The following XPO6 variants were observed in gnomAD, a reference collection of about 807,000 sequenced individuals.
XPO6 encodes exportin-6.
Under a neutral mutation model 130.0 loss-of-function variants are expected in XPO6, and 3 were observed. The ratio of observed to expected loss-of-function variants is 0.02; its 90% confidence interval spans 0.01 to 0.06. The LOEUF is 0.06. Among genes scored for constraint, XPO6 ranks in the 10% least tolerant of loss-of-function variants. The pLI is 1.00. For missense variants in XPO6, 970 were observed against 1,393.0 expected (o/e 0.70, Z 4.83); for synonymous variants, 524 against 548.9 (o/e 0.95, Z 0.63).
At chr16:28,171,452 C>CAAA (rs36000498) in intron 4 of XPO6, among the ~76,000 whole-genome samples, 1 of 99,106 alleles carries the variant, frequency 1.0e-5, no homozygotes, top group African/African-American at 4.1e-5. Context: ...GACTCTGTCT[C>CAAA]AAAAAAAAAA....
intron 7 of XPO6, chr16:28,155,475 G>A (rs1456445155): frequency 1.3e-5 from 2 of 151,660 alleles, no homozygotes; most frequent in Admixed American, 6.6e-5. Flanking sequence ...AAAAAAAGTA[G>A]GTCATTGTAG....
chr16:28,120,005 G>A (rs373720276), intron 14 of XPO6, among the ~76,000 whole-genome samples: 3 of 152,120 alleles, frequency 2.0e-5, no homozygotes, highest in East Asian at 1.9e-4. Context: ...CACCATGCCC[G>A]GCTAATTTTT....
At chr16:28,166,182 G>A (rs2043352973) in intron 6 of XPO6, among the ~76,000 whole-genome samples, 1 of 152,128 alleles carries the variant, frequency 6.6e-6, no homozygotes, top group Non-Finnish European at 1.5e-5. Flanking sequence ...CCTGCAGGCT[G>A]CTGCCCACCT....
chr16:28,138,964 T>C (rs2042833588), intron 9 of XPO6, among the ~76,000 whole-genome samples: 1 of 152,068 alleles, frequency 6.6e-6, no homozygotes, highest in African/African-American at 2.4e-5. Flanking sequence ...ATGACAAAGG[T>C]GTTGGAATTA....
intron 4 of XPO6, among the ~76,000 whole-genome samples, chr16:28,173,795 C>A (rs767585638): frequency 6.6e-6 from 1 of 152,164 alleles, no homozygotes; most frequent in Non-Finnish European, 1.5e-5. Context: ...AAGCCCTTCA[C>A]CTAAAAGTGC....
intron 1 of XPO6, among the ~76,000 whole-genome samples, chr16:28,197,547 G>A (rs943949380): frequency 6.6e-5 from 10 of 152,104 alleles, no homozygotes; most frequent in Admixed American, 4.6e-4. Context: ...CGCTGATGAG[G>A]ATATTTATCT....
intron 4 of XPO6, among the ~76,000 whole-genome samples, chr16:28,174,995 T>C (rs568898133): frequency 6.6e-6 from 1 of 152,326 alleles, no homozygotes; most frequent in African/African-American, 2.4e-5. Context: ...AATGTCTCAT[T>C]AGTTATTACA....
At chr16:28,127,867 C>T (rs547692658) in intron 12 of XPO6, among the ~76,000 whole-genome samples, 23 of 152,320 alleles carry the variant, frequency 1.5e-4, no homozygotes, top group African/African-American at 5.5e-4. Context: ...TGTCCCAAAT[C>T]ACCTGGTCCT....
At chr16:28,144,207 A>T (rs1195572122) in intron 9 of XPO6, among the ~76,000 whole-genome samples, 1 of 152,244 alleles carries the variant, frequency 6.6e-6, no homozygotes, top group Non-Finnish European at 1.5e-5. Flanking sequence ...GATTTCTGAT[A>T]TATGAACGTA....
chr16:28,197,917 A>AG (rs1659742620), intron 1 of XPO6, among the ~76,000 whole-genome samples: 1 of 140,726 alleles, frequency 7.1e-6, no homozygotes, highest in Admixed American at 7.2e-5. Flanking sequence ...AGACTCTTAA[A>AG]AAAAAAAAAA....
At chr16:28,111,739 G>A (rs925192830) in intron 17 of XPO6, 78 bp downstream of exon 17, 87 of 1,533,362 alleles carry the variant, frequency 5.7e-5, no homozygotes, top group Non-Finnish European at 7.0e-5. Context: ...AGGAGCCTCC[G>A]GGGCAAATCT....
chr16:28,145,229 C>G (rs897059450), intron 9 of XPO6, among the ~76,000 whole-genome samples: 4 of 152,256 alleles, frequency 2.6e-5, no homozygotes, highest in African/African-American at 9.6e-5. Flanking sequence ...CACTGTGTGA[C>G]TGGGATGCAG....
intron 1 of XPO6, among the ~76,000 whole-genome samples, chr16:28,196,608 G>C (rs74014259): frequency 0.054 from 8,253 of 152,232 alleles, 574 homozygotes; most frequent in East Asian, 0.17. Flanking sequence ...CTAATCTCAT[G>C]CCTAAATTTG....
At chr16:28,144,720 C>A (rs2042953828) in intron 9 of XPO6, among the ~76,000 whole-genome samples, 1 of 152,212 alleles carries the variant, frequency 6.6e-6, no homozygotes, top group Non-Finnish European at 1.5e-5. Context: ...TTCACTAACA[C>A]CACCACCAGG....
chr16:28,175,583 A>C (rs1325977184), intron 4 of XPO6, among the ~76,000 whole-genome samples: 2 of 152,116 alleles, frequency 1.3e-5, no homozygotes, highest in East Asian at 3.9e-4. Context: ...TTCCCCCACT[A>C]AACGCCGAAA....
intron 15 of XPO6, 28 bp downstream of exon 15, chr16:28,117,290 A>G (rs2087091227): frequency 1.2e-6 from 2 of 1,611,950 alleles, no homozygotes; most frequent in African/African-American, 1.3e-5. Context: ...GAGTTAGATA[A>G]AAGGTGTAGG....
At chr16:28,190,646 C>T (rs188655457) in intron 1 of XPO6, among the ~76,000 whole-genome samples, 2 of 152,244 alleles carry the variant, frequency 1.3e-5, no homozygotes, top group Non-Finnish European at 2.9e-5. Flanking sequence ...ATGACTGAGC[C>T]AATTGACAAA....
At chr16:28,150,233 A>C (rs1324242637) in intron 8 of XPO6, among the ~76,000 whole-genome samples, 2 of 152,208 alleles carry the variant, frequency 1.3e-5, no homozygotes, top group Non-Finnish European at 2.9e-5. Flanking sequence ...GTCCTCATAC[A>C]GGAGACAGGA....
At chr16:28,185,990 T>C (rs2043685883) in intron 1 of XPO6, among the ~76,000 whole-genome samples, 1 of 152,204 alleles carries the variant, frequency 6.6e-6, no homozygotes, top group African/African-American at 2.4e-5. Flanking sequence ...TCCTTTTACT[T>C]TGCTGCTCAT....
Sources: allele counts gnomAD v4.1 joint callset (sites outside exome capture counted in the v4.1 genomes callset), GRCh38; gene constraint gnomAD v4.1.1; transcripts MANE v1.5; gene names NCBI Gene and HGNC (gene_info 2026-07-23, HGNC 2026-07-21).